The following ST8SIA6 variants were observed in gnomAD, a reference collection of about 807,000 sequenced individuals.
ST8SIA6 encodes the protein alpha-2,8-sialyltransferase 8F.
Under a neutral mutation model 33.6 loss-of-function variants are expected in ST8SIA6, and 39 were observed. The ratio of observed to expected loss-of-function variants is 1.16; its 90% CI spans 0.90 to 1.52. ST8SIA6 has a LOEUF of 1.52. ST8SIA6 is among the 40% of genes most tolerant of loss of function. The probability of loss-of-function intolerance (pLI) is 0.00; values close to 1 mark genes in which losing one functional copy is unlikely to be tolerated. For synonymous variants in ST8SIA6, 172 were observed against 167.2 expected, an observed-to-expected ratio of 1.03 and a Z score of -0.22; for missense variants, 441 against 443.8, an observed-to-expected ratio of 0.99 and a Z score of 0.06.
In ST8SIA6 at chr10:17,316,480, GT is replaced by G. The variant is rs749794096; in HGVS notation, c.*4397del. On this transcript the variant is annotated 3_prime_UTR_variant, in exon 8 of 8. Coordinates refer to ENST00000377602, the MANE Select transcript of ST8SIA6 (RefSeq NM_001004470.3). ...TAATGGAATAAATACCTTAATACTT[GT>G]TTTTTTGTGTGGATCAGAACAGGTC... 6.6e-6 allele frequency among the ~76,000 whole-genome samples: 1 copy of G among 151,972 alleles called. No individual in the cohort carries two copies. Among genetic ancestry groups the G allele is most frequent in the Non-Finnish European group, 1.5e-5 (1 of 67,908 alleles).
At chr10:17,440,550 C>T (rs1048059999) in intron 2 of ST8SIA6, among the ~76,000 whole-genome samples, 23 of 152,138 alleles carry the variant, frequency 1.5e-4, no homozygotes, top group Non-Finnish European at 2.8e-4. Flanking sequence ...AACTTTGCCT[C>T]AAGGTCTTAG....
At chr10:17,439,087 T>C (rs926991786) in intron 2 of ST8SIA6, among the ~76,000 whole-genome samples, 1 of 152,212 alleles carries the variant, frequency 6.6e-6, no homozygotes, top group Non-Finnish European at 1.5e-5. Flanking sequence ...TTTTACAGTT[T>C]TACAGTTTCT....
At chr10:17,387,165 G>A (rs1290392845) in intron 3 of ST8SIA6, 4 of 152,236 alleles carry the variant, frequency 2.6e-5, no homozygotes, top group East Asian at 1.9e-4. Context: ...AGTGGATTGA[G>A]TGGGCCCAGT....
intron 4 of ST8SIA6, among the ~76,000 whole-genome samples, chr10:17,353,347 G>A (rs1320790007): frequency 6.6e-6 from 1 of 152,092 alleles, no homozygotes; most frequent in East Asian, 1.9e-4. Flanking sequence ...TCTTTTCATA[G>A]TTTATATCGT....
intron 4 of ST8SIA6, among the ~76,000 whole-genome samples, chr10:17,354,017 T>C (rs3740159): frequency 0.22 from 34,190 of 152,094 alleles, 3,975 homozygotes; most frequent in African/African-American, 0.28. Flanking sequence ...CAGAAATGAA[T>C]ACAGTTCTTT....
chr10:17,346,257 T>G (rs1848829567), intron 4 of ST8SIA6, among the ~76,000 whole-genome samples: 1 of 152,202 alleles, frequency 6.6e-6, no homozygotes, highest in Admixed American at 6.5e-5. Flanking sequence ...GATGTCCAAC[T>G]CAGGCGAGCT....
chr10:17,368,186 A>C (rs1849614520), intron 3 of ST8SIA6, among the ~76,000 whole-genome samples: 1 of 146,896 alleles, frequency 6.8e-6, no homozygotes, highest in East Asian at 2.0e-4. Flanking sequence ...ACCTGAGGTC[A>C]GGAGTTCGAG....
intron 3 of ST8SIA6, among the ~76,000 whole-genome samples, chr10:17,369,941 G>T (rs1394805637): frequency 6.6e-6 from 1 of 150,784 alleles, no homozygotes; most frequent in Non-Finnish European, 1.5e-5. Flanking sequence ...TGTGTCTTCT[G>T]TAGACAGCAT....
rs1008331743 is a variant in ST8SIA6, at chr10:17,404,421, T to A, written c.201-13801A>T. On this transcript the variant is annotated intron_variant, in intron 2 of 7. Coordinates refer to ENST00000377602, the MANE Select transcript of ST8SIA6 (RefSeq NM_001004470.3). ...CCCCTCCATTGTATCGAATTCTGAG[T>A]CTATGGGAGCTGACAAAGATGTTCT... 2.0e-5 allele frequency among the ~76,000 whole-genome samples: 3 copies of A among 152,190 alleles called. No individual in the cohort carries two copies. The East Asian group carries it at 5.8e-4, about 29-fold the overall frequency.
chr10:17,438,034 C>T (rs1852345741), intron 2 of ST8SIA6, among the ~76,000 whole-genome samples: 1 of 152,086 alleles, frequency 6.6e-6, no homozygotes, highest in South Asian at 2.1e-4. Context: ...TGGCCATGCC[C>T]CCCTGTTTCT....
At chr10:17,374,239 G>T (rs1849824498) in intron 3 of ST8SIA6, among the ~76,000 whole-genome samples, 2 of 150,938 alleles carry the variant, frequency 1.3e-5, no homozygotes, top group African/African-American at 4.9e-5. Flanking sequence ...GCTCATAATT[G>T]AAACAAACAA....
intron 4 of ST8SIA6, among the ~76,000 whole-genome samples, chr10:17,355,053 G>A (rs769054844): frequency 6.6e-6 from 1 of 152,168 alleles, no homozygotes; most frequent in Admixed American, 6.6e-5. Flanking sequence ...AAACCCCCTC[G>A]TAGCACAACA....
intron 3 of ST8SIA6, among the ~76,000 whole-genome samples, chr10:17,365,651 A>G (rs1356639030): frequency 6.6e-6 from 1 of 152,202 alleles, no homozygotes; most frequent in African/African-American, 2.4e-5. Flanking sequence ...CTGAAAGAAC[A>G]TAGTATACAT....
rs147582466 is a variant in ST8SIA6, at chr10:17,432,822, C to T, written c.200+20737G>A. 3.4e-3 allele frequency among the ~76,000 whole-genome samples: 523 copies of T among 152,268 alleles called. 14 individuals are homozygous for T. Among genetic ancestry groups the T allele is most frequent in the Admixed American group, 0.03 (464 of 15,294 alleles). ...GCCTATAACAATAGCTGAGTTTTGG[C>T]CAATCCCAGCGGCCATACTTCAACG... On this transcript the variant is annotated intron_variant, in intron 2 of 7. Coordinates refer to ENST00000377602, the MANE Select transcript of ST8SIA6 (RefSeq NM_001004470.3).
intron 4 of ST8SIA6, among the ~76,000 whole-genome samples, chr10:17,349,452 T>C (rs1444018202): frequency 1.3e-5 from 2 of 152,196 alleles, no homozygotes; most frequent in Non-Finnish European, 2.9e-5. Flanking sequence ...TACCATGTAC[T>C]GAGATTCTAA....
intron 2 of ST8SIA6, among the ~76,000 whole-genome samples, chr10:17,452,895 GA>G (rs1418793902): frequency 7.9e-5 from 12 of 152,222 alleles, no homozygotes; most frequent in African/African-American, 2.9e-4. Flanking sequence ...TATGTATATA[GA>G]AAAGACTACT....
At chr10:17,352,124 T>C (rs1849052662) in intron 4 of ST8SIA6, among the ~76,000 whole-genome samples, 1 of 152,152 alleles carries the variant, frequency 6.6e-6, no homozygotes, top group African/African-American at 2.4e-5. Flanking sequence ...TGTATGCATA[T>C]ATCTAAACAC....
intron 2 of ST8SIA6, among the ~76,000 whole-genome samples, chr10:17,437,956 C>T (rs754038105): frequency 6.6e-6 from 1 of 151,852 alleles, no homozygotes; most frequent in Non-Finnish European, 1.5e-5. Context: ...ATCTCGAACT[C>T]CTGACTTCGT....
At chr10:17,410,507 T>TTATAGTTTTGAAAATTTATAG in intron 2 of ST8SIA6, 1 of 152,318 alleles carries the variant, frequency 6.6e-6, no homozygotes, top group Non-Finnish European at 1.5e-5. Flanking sequence ...AAACTAGAAT[T>TTATAGTTTTGAAAATTTATAG]TGTTGAAAGA....
Sources: allele counts gnomAD v4.1 joint callset (sites outside exome capture counted in the v4.1 genomes callset), GRCh38; gene constraint gnomAD v4.1.1; transcripts MANE v1.5; gene names NCBI Gene and HGNC (gene_info 2026-07-23, HGNC 2026-07-21).